Variants in CGGBP1 observed in about 807,000 individuals in gnomAD.
The protein encoded by CGGBP1 is CGG triplet repeat-binding protein 1.
In CGGBP1, 4 loss-of-function variants were observed where a neutral mutation model predicts 11.4. The ratio of observed to expected loss-of-function variants is 0.35; its 90% CI spans 0.17 to 0.80. The LOEUF (loss-of-function observed/expected upper bound fraction) is 0.80, where lower values mean the gene tolerates loss of function less well. Ranked by LOEUF, CGGBP1 falls within the 30% of genes least tolerant of loss-of-function variation. The probability of loss-of-function intolerance (pLI) is 0.52; values close to 1 mark genes in which losing one functional copy is unlikely to be tolerated. For missense variants in CGGBP1, 135 were observed against 202.1 expected (o/e 0.67, Z 2.01); for synonymous variants, 76 against 74.1 (o/e 1.03, Z -0.13).
intron 2 of CGGBP1, among the ~76,000 whole-genome samples, chr3:88,077,855 G>A (rs1028723068): frequency 1.3e-5 from 2 of 152,164 alleles, no homozygotes; most frequent in African/African-American, 4.8e-5. Context: ...TTGTTTTTTA[G>A]TGTAGAAGTA....
intron 2 of CGGBP1, among the ~76,000 whole-genome samples, chr3:88,104,449 C>T (rs536435718): frequency 8.5e-5 from 13 of 152,216 alleles, no homozygotes; most frequent in East Asian, 7.7e-4. Context: ...TAATGGATAG[C>T]GTTGTGTTTC....
At chr3:88,072,342 G>A (rs1707561884) in intron 2 of CGGBP1, among the ~76,000 whole-genome samples, 1 of 152,150 alleles carries the variant, frequency 6.6e-6, no homozygotes. Context: ...TTAAAGGTAT[G>A]AGTGAGGCCT....
At chr3:88,102,817 C>CTTTTTTTTTT (rs10701359) in intron 2 of CGGBP1, among the ~76,000 whole-genome samples, 1 of 106,524 alleles carries the variant, frequency 9.4e-6, no homozygotes. Flanking sequence ...CCTCTACTGT[C>CTTTTTTTTTT]TTTTTTTTTT....
intron 2 of CGGBP1, among the ~76,000 whole-genome samples, chr3:88,102,310 C>A (rs1409424652): frequency 6.6e-6 from 1 of 152,114 alleles, no homozygotes; most frequent in East Asian, 1.9e-4. Context: ...TGAAGGGGAA[C>A]AACAGCTGTC....
chr3:88,129,727 T>A, intron 2 of CGGBP1: 1 of 1,526,582 alleles, frequency 6.6e-7, no homozygotes, highest in Non-Finnish European at 8.8e-7. Flanking sequence ...ATTGATATCA[T>A]CTGTAATGCT....
chr3:88,149,507 T>A (rs1356136749), intron 1 of CGGBP1, among the ~76,000 whole-genome samples: 1 of 152,282 alleles, frequency 6.6e-6, no homozygotes, highest in Non-Finnish European at 1.5e-5. Flanking sequence ...CATACTATAA[T>A]GTTAAACAAA....
At chr3:88,059,183 A>C, upstream of CGGBP1, 1 of 1,422,706 alleles carries the variant, frequency 7.0e-7, no homozygotes, top group Non-Finnish European at 9.2e-7. Context: ...CCGGAAGTAG[A>C]GCCCAGCCGA....
chr3:88,087,241 A>T (rs1413748532), intron 2 of CGGBP1, among the ~76,000 whole-genome samples: 1 of 151,628 alleles, frequency 6.6e-6, no homozygotes, highest in Admixed American at 6.6e-5. Context: ...CCATGCCTGG[A>T]TAATTTTTGT....
At chr3:88,101,417 A>G (rs1647087725) in intron 2 of CGGBP1, among the ~76,000 whole-genome samples, 1 of 152,190 alleles carries the variant, frequency 6.6e-6, no homozygotes, top group African/African-American at 2.4e-5. Context: ...AAGTGAAAAT[A>G]TTTAAAAATA....
upstream of CGGBP1, chr3:88,059,149 A>G: frequency 7.7e-7 from 1 of 1,300,118 alleles, no homozygotes; most frequent in East Asian, 2.6e-5. Context: ...TTCCAATAAA[A>G]ACTGGGGGCG....
chr3:88,078,711 T>G (rs1037408485), intron 2 of CGGBP1, among the ~76,000 whole-genome samples: 1 of 152,132 alleles, frequency 6.6e-6, no homozygotes, highest in Non-Finnish European at 1.5e-5. Flanking sequence ...TGGTAATGGA[T>G]ATGAGAGATA....
chr3:88,109,103 G>A (rs994129427), intron 2 of CGGBP1, among the ~76,000 whole-genome samples: 1 of 150,912 alleles, frequency 6.6e-6, no homozygotes, highest in Non-Finnish European at 1.5e-5. Flanking sequence ...TGGGAGGGAA[G>A]GGGTCTGGTA....
chr3:88,057,891 TAGA>T (rs1294572750), intron 2 of CGGBP1, 125 bp downstream of exon 2: 2 of 152,272 alleles, frequency 1.3e-5, no homozygotes, highest in African/African-American at 4.8e-5. Context: ...GTGTTTTCAA[TAGA>T]AGAAAACATT....
At chr3:88,145,704 C>T (rs1309271169) in intron 1 of CGGBP1, among the ~76,000 whole-genome samples, 4 of 152,082 alleles carry the variant, frequency 2.6e-5, no homozygotes, top group Admixed American at 1.3e-4. Context: ...GAAATAGAGT[C>T]AATCCACTAA....
rs1195359241 is a variant in CGGBP1, at chr3:88,054,862, TACA to T, written c.*608_*610del. 3 of 152,538 alleles carry T rather than the reference TACA, an allele frequency of 2.0e-5. No homozygotes were observed. The highest frequency in any genetic ancestry group is 4.8e-5 in the African/African-American group (2 of 41,414). The allele number at this position is 152,538 out of a possible 1,614,324, so 9.4% of individuals were successfully genotyped here. A position where few individuals can be genotyped will look rare whatever the true frequency, so the allele number is the denominator to read the frequency against. On this transcript the variant is annotated 3_prime_UTR_variant, in exon 4 of 4. Transcript: ENST00000482016. The stretch of plus-strand genomic sequence containing the variant: ...TTGGTCACTTGAAGCTGCTACAAAA[TACA>T]ACAATAAGCCTTTAAAATGGGGGCG...
chr3:88,110,561 C>T (rs1705026934), intron 2 of CGGBP1, among the ~76,000 whole-genome samples: 2 of 152,056 alleles, frequency 1.3e-5, no homozygotes, highest in Non-Finnish European at 2.9e-5. Flanking sequence ...TGGCCTTGCT[C>T]GGGCCAGATT....
intron 2 of CGGBP1, among the ~76,000 whole-genome samples, chr3:88,084,948 C>G (rs888944579): frequency 1.3e-5 from 2 of 152,142 alleles, no homozygotes; most frequent in Non-Finnish European, 2.9e-5. Flanking sequence ...TGACCTCTGC[C>G]CTAGAGGGAG....
At chr3:88,140,314 A>G (rs577027743) in intron 2 of CGGBP1, 1 of 1,613,772 alleles carries the variant, frequency 6.2e-7, no homozygotes, top group Non-Finnish European at 8.5e-7. Flanking sequence ...CAACCAAGTG[A>G]AACAATTCTT....
intron 2 of CGGBP1, among the ~76,000 whole-genome samples, chr3:88,080,053 T>A (rs1164144538): frequency 6.6e-6 from 1 of 152,096 alleles, no homozygotes; most frequent in Non-Finnish European, 1.5e-5. Flanking sequence ...ACAATTTATC[T>A]TTTTCATTCT....
Sources: allele counts gnomAD v4.1 joint callset (sites outside exome capture counted in the v4.1 genomes callset), GRCh38; gene constraint gnomAD v4.1.1; transcripts MANE v1.5; gene names NCBI Gene and HGNC (gene_info 2026-07-23, HGNC 2026-07-21).